The following LATS1 variants were observed in gnomAD, a reference collection of about 807,000 sequenced individuals.
The protein encoded by LATS1 is serine/threonine-protein kinase LATS1.
A neutral mutation model predicts 106.6 loss-of-function variants in LATS1; 25 were observed. The ratio of observed to expected loss-of-function variants is 0.23; its 90% CI spans 0.17 to 0.33. The LOEUF is 0.33. LATS1 is among the 10% of genes least tolerant of loss of function. The probability of loss-of-function intolerance (pLI) is 1.00; values close to 1 mark genes in which losing one functional copy is unlikely to be tolerated. For missense variants in LATS1, 1,040 were observed against 1,382.6 expected (o/e 0.75, Z 3.93); for synonymous variants, 465 against 455.6 (o/e 1.02, Z -0.26).
intron 1 of LATS1, among the ~76,000 whole-genome samples, chr6:149,705,110 T>C (rs1448483467): frequency 1.3e-5 from 2 of 152,040 alleles, no homozygotes; most frequent in Admixed American, 1.3e-4. Context: ...GATGAACTTT[T>C]TCATTGCCTG....
intron 2 of LATS1, chr6:149,697,076 G>A: frequency 2.7e-6 from 3 of 1,115,414 alleles, no homozygotes; most frequent in Non-Finnish European, 3.7e-6. Context: ...TTTTCAAGAG[G>A]GAGGCAACTA....
intron 1 of LATS1, among the ~76,000 whole-genome samples, chr6:149,709,668 CTTTTTTTT>C (rs142425039): frequency 2.6e-5 from 2 of 75,502 alleles, no homozygotes; most frequent in East Asian, 1.1e-3. Flanking sequence ...AACCCCTTAT[CTTTTTTTT>C]TTTTTTTTTT....
chr6:149,674,607 C>G (rs1052484661), intron 7 of LATS1, among the ~76,000 whole-genome samples: 4 of 148,850 alleles, frequency 2.7e-5, no homozygotes, highest in African/African-American at 9.8e-5. Context: ...CTCCTGGGCT[C>G]AAGTGATCTG....
chr6:149,668,534 T>C (rs1293151721), intron 7 of LATS1, among the ~76,000 whole-genome samples: 1 of 151,536 alleles, frequency 6.6e-6, no homozygotes, highest in Non-Finnish European at 1.5e-5. Context: ...CTCAAACTCC[T>C]GGGCTCAAGT....
In LATS1 at chr6:149,676,378, A is replaced by C; in HGVS notation, c.2777-12T>G. On this transcript the variant is annotated splice_polypyrimidine_tract_variant and intron_variant, in intron 6 of 7. Transcript: ENST00000543571. ...CAACTGTGTGTATCCTAAAATAACA[A>C]AGTTATTTATAAGCACTTTAAAAAT... is the stretch of plus-strand genomic sequence containing the variant. The C allele has an allele frequency of 6.5e-7, 1 of 1,546,904 alleles. No homozygotes were observed. Among genetic ancestry groups the C allele is most frequent in the Non-Finnish European group, 8.9e-7 (1 of 1,122,610 alleles).
chr6:149,686,622 T>C (rs1326759422), intron 3 of LATS1, among the ~76,000 whole-genome samples: 1 of 152,232 alleles, frequency 6.6e-6, no homozygotes, highest in East Asian at 1.9e-4. Flanking sequence ...AGGTTTCCTT[T>C]AAAAATAACC....
intron 3 of LATS1, among the ~76,000 whole-genome samples, chr6:149,688,608 C>T (rs767054934): frequency 1.3e-5 from 2 of 152,030 alleles, no homozygotes; most frequent in African/African-American, 4.8e-5. Flanking sequence ...GCACCCGGGC[C>T]GTTCATTAAA....
At chr6:149,701,697 C>T (rs1219399430) in intron 2 of LATS1, 82 bp downstream of exon 2, 5 of 959,920 alleles carry the variant, frequency 5.2e-6, no homozygotes, top group African/African-American at 1.6e-5. Context: ...CCAAAGGAAA[C>T]ATTTTGGCAT....
intron 5 of LATS1, among the ~76,000 whole-genome samples, chr6:149,677,490 A>G (rs549816525): frequency 2.0e-5 from 3 of 152,330 alleles, no homozygotes; most frequent in African/African-American, 7.2e-5. Context: ...AAGTAAAGTG[A>G]GAAGATATTG....
chr6:149,705,906 A>G (rs1285291886), intron 1 of LATS1, among the ~76,000 whole-genome samples: 1 of 152,014 alleles, frequency 6.6e-6, no homozygotes. Flanking sequence ...TTCCTGAGCC[A>G]GGCACAGTGG....
chr6:149,683,157 C>T lies in LATS1; in HGVS notation c.1932G>A (p.Glu644=). 1.2e-6 allele frequency: 2 copies of T among 1,613,232 alleles called. No individual in the cohort carries two copies. Among genetic ancestry groups the T allele is most frequent in the Middle Eastern group, 3.3e-4 (2 of 6,002 alleles). The change falls in exon 4 of 8, where the codon GAG becomes GAA. Residue 644 remains glutamate, a synonymous_variant. Coordinates refer to ENST00000543571, the MANE Select transcript of LATS1 (RefSeq NM_004690.4). ...YSPQAFKFFM[E]QHVENVLKSH... ...ATTTGAGTACATTTTCTACATGTTG[C>T]TCCATAAAGAATTTAAATGCTTGAG...
chr6:149,704,828 G>T (rs1783661088), intron 1 of LATS1, among the ~76,000 whole-genome samples: 1 of 150,112 alleles, frequency 6.7e-6, no homozygotes, highest in Non-Finnish European at 1.5e-5. Context: ...TGTTAATAAA[G>T]CTGTTAAAAA....
intron 7 of LATS1, among the ~76,000 whole-genome samples, chr6:149,675,194 T>A (rs1404520708): frequency 7.0e-6 from 1 of 142,072 alleles, no homozygotes; most frequent in African/African-American, 2.7e-5. Flanking sequence ...TCTAGCCTGA[T>A]GACAGAGCAA....
At position 149,680,073 on chromosome 6, in the gene LATS1, T is replaced by A. The variant is rs1562328660; in HGVS notation, c.2395A>T (p.Ile799Phe). Residue 799 changes from isoleucine (I) to phenylalanine (F), a missense_variant, in exon 5 of 8, where the codon ATC becomes TTC. Physicochemically the swap from Ile to Phe is conservative, Grantham distance 21. Around this residue, in one of 7 missense-constraint regions of LATS1, gnomAD observed 167 missense variants for 332.1 expected, o/e 0.50. Transcript: ENST00000543571. ...DMMSLLIRMG[I>F]FPESLARFYI... Reference sequence around the variant, plus strand: ...AATCGTGCCAGACTTTCTGGAAAGATGCCCATTCTAATTAATAGGCTCATC... The same window carrying A: ...AATCGTGCCAGACTTTCTGGAAAGAAGCCCATTCTAATTAATAGGCTCATC... 6.2e-7 allele frequency: 1 copy of A among 1,613,856 alleles called. No homozygotes were observed.
rs949932715 is a variant in LATS1, at chr6:149,684,722, A to C, written c.497-130T>G. The stretch of plus-strand genomic sequence containing the variant: ...TCTTTCAAGAATTATAAAAATATAA[A>C]AAAGTTCAAGTGATCTCTTGTACAA... On this transcript the variant is annotated intron_variant, in intron 3 of 7. Coordinates refer to ENST00000543571, the MANE Select transcript of LATS1 (RefSeq NM_004690.4). The C allele has an allele frequency of 1.6e-5, 11 of 668,360 alleles. No individual in the cohort carries two copies. The African/African-American group carries it at 1.8e-4, about 11-fold the overall frequency. The allele number at this position is 668,360 out of a possible 1,614,324, so 41.4% of individuals were successfully genotyped here.
At chr6:149,713,484 C>G (rs913230423) in intron 1 of LATS1, among the ~76,000 whole-genome samples, 1 of 150,928 alleles carries the variant, frequency 6.6e-6, no homozygotes, top group African/African-American at 2.4e-5. Context: ...TTAGTAGAGA[C>G]GGGGTTTCTC....
Position 149,697,767 on chromosome 6 carries a change from C to T in LATS1, c.349-2546G>A, listed in dbSNP as rs1015372845. ...TTTTTTTGTTTTTGAGATGGAGACT[C>T]GCTGTCGCCTGGGGTTGGAGTGCAG... On this transcript the variant is annotated intron_variant, in intron 2 of 7. Coordinates refer to ENST00000543571, the MANE Select transcript of LATS1 (RefSeq NM_004690.4). 6.6e-5 allele frequency among the ~76,000 whole-genome samples: 10 copies of T among 152,034 alleles called. No homozygotes were observed. The South Asian group carries it at 1.0e-3, about 16-fold the overall frequency.
intron 1 of LATS1, among the ~76,000 whole-genome samples, chr6:149,713,258 C>T (rs926032089): frequency 2.0e-5 from 3 of 152,006 alleles, no homozygotes; most frequent in African/African-American, 7.2e-5. Flanking sequence ...CTTAACCATA[C>T]ATAAAAGTCG....
At chr6:149,704,953 C>G (rs568959743) in intron 1 of LATS1, among the ~76,000 whole-genome samples, 2 of 143,612 alleles carry the variant, frequency 1.4e-5, no homozygotes, top group East Asian at 2.1e-4. Context: ...TGAGACATGA[C>G]GAAGCCCTGT....
Sources: gnomAD v4.1 joint callset for allele counts (sites outside exome capture counted in the v4.1 genomes callset) on GRCh38, gnomAD v4.1.1 for gene constraint, gnomAD v4.1.1 regional missense constraint, MANE v1.5 for transcripts, NCBI Gene and HGNC (gene_info 2026-07-23, HGNC 2026-07-21) for gene names.